BICD1: variants seen among roughly 807,000 people sequenced by gnomAD.
BICD1 encodes protein bicaudal D homolog 1.
BICD1 carries 35 observed loss-of-function variants against 92.5 expected under a neutral mutation model. The observed-to-expected ratio is 0.38, with a 90% CI of 0.29 to 0.50. The LOEUF is 0.50. Among genes scored for constraint, BICD1 ranks in the 20% least tolerant of loss-of-function variants. BICD1 has a pLI of 0.93. For synonymous variants in BICD1, 429 were observed against 465.1 expected (o/e 0.92, Z 1.00); for missense variants, 950 against 1,189.8 (o/e 0.80, Z 2.97).
chr12:32,289,994 A>G (rs956551843), intron 2 of BICD1, among the ~76,000 whole-genome samples: 9 of 152,204 alleles, frequency 5.9e-5, no homozygotes, highest in Admixed American at 4.6e-4. Context: ...CTGTAAAGGG[A>G]GGATTAGGCT....
rs752417264 is a variant in BICD1, at chr12:32,199,517, G to C, written c.214-16730G>C. ...GGAAGAGTTTTTATTTCTGCAACTG[G>C]TTATGGGGGGAAGGCCTGGAAATTA... On this transcript the variant is annotated intron_variant, in intron 1 of 9. Coordinates refer to ENST00000652176, the MANE Select transcript of BICD1 (RefSeq NM_001714.4). 5.3e-4 allele frequency among the ~76,000 whole-genome samples: 81 copies of C among 152,254 alleles called. 1 individual carries two copies. Among genetic ancestry groups the C allele is most frequent in the Non-Finnish European group, 4.9e-4 (33 of 68,014 alleles).
intron 1 of BICD1, among the ~76,000 whole-genome samples, chr12:32,210,357 AG>A (rs1288662400): frequency 6.6e-6 from 1 of 152,224 alleles, no homozygotes; most frequent in African/African-American, 2.4e-5. Flanking sequence ...CTGTGATCAA[AG>A]AGAACATTTT....
intron 1 of BICD1, among the ~76,000 whole-genome samples, chr12:32,191,142 TAAAC>T (rs2121530413): frequency 6.6e-6 from 1 of 152,190 alleles, no homozygotes; most frequent in Admixed American, 6.5e-5. Context: ...AGAAAGATCT[TAAAC>T]AACCTAATTT....
intron 2 of BICD1, among the ~76,000 whole-genome samples, chr12:32,243,264 A>ATTTTTTTTTTTTTTTT (rs71068310): frequency 0.022 from 1,619 of 73,838 alleles, 19 homozygotes; most frequent in Non-Finnish European, 0.029. Flanking sequence ...TGCCTGGCTA[A>ATTTTTTTTTTTTTTTT]TTTTTTTTTT....
At chr12:32,377,400 C>A in intron 9 of BICD1, 140 bp from the exon 10 acceptor site, 1 of 678,308 alleles carries the variant, frequency 1.5e-6, no homozygotes. Flanking sequence ...TCTTGGCATG[C>A]TTTAGATGGA....
Position 32,337,074 on chromosome 12 carries a change from T to C in BICD1, c.2253-425T>C, listed in dbSNP as rs1433699148. Among the ~76,000 whole-genome samples the C allele has an allele frequency of 6.6e-6, 1 of 151,896 alleles. No individual in the cohort carries two copies. Among genetic ancestry groups the C allele is most frequent in the East Asian group, 1.9e-4 (1 of 5,168 alleles). Reference sequence around the variant, plus strand: ...GCCTGGCCAACATGGTGAAACCCCGTCTCTACTAAAAAAAATACAAAAATT... The same window carrying C: ...GCCTGGCCAACATGGTGAAACCCCGCCTCTACTAAAAAAAATACAAAAATT... On this transcript the variant is annotated intron_variant, in intron 6 of 9. Coordinates refer to ENST00000652176, the MANE Select transcript of BICD1 (RefSeq NM_001714.4). This position sits in a 1 kb window ranked among gnomAD's most constrained non-coding sequence, Gnocchi z 4.7.
intron 1 of BICD1, among the ~76,000 whole-genome samples, chr12:32,195,088 A>AT (rs1246807484): frequency 2.1e-5 from 1 of 47,882 alleles, no homozygotes; most frequent in Non-Finnish European, 5.0e-5. Context: ...ACAGAGTGAG[A>AT]CCAAAAAAAA....
At chr12:32,129,760 T>A (rs1942474593) in intron 1 of BICD1, among the ~76,000 whole-genome samples, 1 of 152,092 alleles carries the variant, frequency 6.6e-6, no homozygotes, top group Non-Finnish European at 1.5e-5. Context: ...TTTTATCCCC[T>A]CCCTTCATTA....
chr12:32,179,295 G>T (rs1011583804), intron 1 of BICD1, among the ~76,000 whole-genome samples: 3 of 151,918 alleles, frequency 2.0e-5, no homozygotes, highest in African/African-American at 7.2e-5. Flanking sequence ...CCAGTTTCCA[G>T]ATGCTATTCC....
intron 2 of BICD1, among the ~76,000 whole-genome samples, chr12:32,259,088 G>A (rs374286897): frequency 1.3e-5 from 2 of 152,134 alleles, no homozygotes; most frequent in East Asian, 3.8e-4. Context: ...GCCCTTATGT[G>A]GGCGTAAGAG....
chr12:32,324,489 TC>T (rs1251636218), intron 4 of BICD1, among the ~76,000 whole-genome samples: 1 of 152,304 alleles, frequency 6.6e-6, no homozygotes, highest in East Asian at 1.9e-4. Flanking sequence ...TCTGGAAATA[TC>T]TTTGTGAGTA....
At chr12:32,346,093 G>A (rs1308116986) in intron 8 of BICD1, among the ~76,000 whole-genome samples, 1 of 152,230 alleles carries the variant, frequency 6.6e-6, no homozygotes, top group African/African-American at 2.4e-5. Flanking sequence ...AGGCTGCAGT[G>A]AGCCATGATC....
intron 5 of BICD1, chr12:32,332,352 A>G (rs1937915707): frequency 1.4e-6 from 1 of 729,602 alleles, no homozygotes. Flanking sequence ...ACAAACCTGC[A>G]CATCCTGCAG....
chr12:32,334,308 A>G (rs973295248), intron 5 of BICD1, among the ~76,000 whole-genome samples: 2 of 152,178 alleles, frequency 1.3e-5, no homozygotes, highest in African/African-American at 4.8e-5. Context: ...TTCTAGGGCA[A>G]TTTAACCACA....
intron 8 of BICD1, among the ~76,000 whole-genome samples, chr12:32,346,205 C>T (rs896497513): frequency 6.6e-6 from 1 of 151,764 alleles, no homozygotes; most frequent in Admixed American, 6.6e-5. Flanking sequence ...TTTTAATTGA[C>T]ACACTATATC....
At chr12:32,294,911 G>A (rs372351907) in intron 3 of BICD1, among the ~76,000 whole-genome samples, 2 of 151,388 alleles carry the variant, frequency 1.3e-5, no homozygotes, top group Non-Finnish European at 2.9e-5. Context: ...ATGAAACCCC[G>A]TCTCTACTAA....
At chr12:32,108,729 T>A in intron 1 of BICD1, 3 of 659,240 alleles carry the variant, frequency 4.6e-6, no homozygotes, top group Non-Finnish European at 8.3e-6. Context: ...CTTTTAGATA[T>A]GTCTTATTTT....
intron 5 of BICD1, among the ~76,000 whole-genome samples, chr12:32,331,510 T>C (rs974400326): frequency 3.9e-5 from 6 of 152,222 alleles, no homozygotes; most frequent in Non-Finnish European, 7.3e-5. Context: ...TTTGCATATA[T>C]ACATAATGAG....
chr12:32,140,831 TA>T (rs34784809), intron 1 of BICD1, among the ~76,000 whole-genome samples: 26,725 of 148,008 alleles, frequency 0.18, 2,459 homozygotes, highest in East Asian at 0.22. Context: ...GAAACAGAGC[TA>T]AAAAAAAAAC....
Sources: allele counts gnomAD v4.1 joint callset (sites outside exome capture counted in the v4.1 genomes callset), GRCh38; gene constraint gnomAD v4.1.1; non-coding constraint Gnocchi (gnomAD v3.1); transcripts MANE v1.5; gene names NCBI Gene and HGNC (gene_info 2026-07-23, HGNC 2026-07-21).